Variants in PRKCA observed in about 807,000 individuals in gnomAD.
PRKCA encodes protein kinase C alpha type.
PRKCA carries 27 observed loss-of-function variants against 87.0 expected under a neutral mutation model. The observed-to-expected ratio is 0.31, with a 90% CI of 0.23 to 0.43. The LOEUF is 0.43. Ranked by LOEUF, PRKCA falls within the 20% of genes least tolerant of loss-of-function variation. The pLI is 1.00. For synonymous variants in PRKCA, 329 were observed against 311.1 expected, an observed-to-expected ratio of 1.06 and a Z score of -0.61; for missense variants, 518 against 852.3, an observed-to-expected ratio of 0.61 and a Z score of 4.88.
In PRKCA at chr17:66,379,255, A is replaced by G. The variant is rs190155641; in HGVS notation, c.205+73128A>G. Among the ~76,000 whole-genome samples the G allele has an allele frequency of 3.3e-4, 51 of 152,324 alleles. 1 individual carries two copies. Among genetic ancestry groups the G allele is most frequent in the African/African-American group, 1.1e-3 (46 of 41,572 alleles). ...AGCTGTTTTCCAAAGAAGCGGCCCC[A>G]TTTTACAATCCTACCAGCAGTATGG... On this transcript the variant is annotated intron_variant, in intron 2 of 16. Coordinates refer to ENST00000413366, the MANE Select transcript of PRKCA (RefSeq NM_002737.3).
chr17:66,475,396 C>T (rs1412863387), intron 2 of PRKCA, among the ~76,000 whole-genome samples: 6 of 152,070 alleles, frequency 3.9e-5, no homozygotes, highest in African/African-American at 9.7e-5. Context: ...GTGGTGCTGT[C>T]GATCTGCATT....
intron 2 of PRKCA, among the ~76,000 whole-genome samples, chr17:66,394,005 G>T (rs1910521131): frequency 6.6e-6 from 1 of 151,978 alleles, no homozygotes; most frequent in South Asian, 2.1e-4. Context: ...AACCTGGGAG[G>T]CGGAGGTTGC....
intron 2 of PRKCA, among the ~76,000 whole-genome samples, chr17:66,400,957 A>T (rs893607207): frequency 9.8e-5 from 15 of 152,344 alleles, no homozygotes; most frequent in Admixed American, 2.6e-4. Flanking sequence ...CCTATCTCAG[A>T]ATACTGGTTG....
chr17:66,667,837 G>A (rs747568069), intron 5 of PRKCA, among the ~76,000 whole-genome samples: 9 of 152,198 alleles, frequency 5.9e-5, no homozygotes, highest in South Asian at 2.1e-4. Context: ...TTAAGAAATC[G>A]AGATATCCTT....
chr17:66,358,219 T>C (rs921033568), intron 2 of PRKCA, among the ~76,000 whole-genome samples: 2 of 152,094 alleles, frequency 1.3e-5, no homozygotes, highest in Non-Finnish European at 2.9e-5. Context: ...GCACTGAGGT[T>C]TTCCCTGGAC....
chr17:66,413,552 G>A (rs930603924), intron 2 of PRKCA, among the ~76,000 whole-genome samples: 4 of 152,266 alleles, frequency 2.6e-5, no homozygotes, highest in Admixed American at 6.5e-5. Flanking sequence ...AGCCACCTAC[G>A]CATCAGGAGA....
chr17:66,643,851 G>C (rs1971378199), intron 4 of PRKCA, among the ~76,000 whole-genome samples: 1 of 152,152 alleles, frequency 6.6e-6, no homozygotes, highest in Non-Finnish European at 1.5e-5. Flanking sequence ...ACGTCAGGGG[G>C]CAGTTAGCAA....
chr17:66,761,676 G>A (rs1025988410), intron 13 of PRKCA, among the ~76,000 whole-genome samples: 5 of 151,614 alleles, frequency 3.3e-5, no homozygotes, highest in African/African-American at 7.3e-5. Flanking sequence ...TGCCCACCTC[G>A]GCCTCCCAAA....
At chr17:66,541,430 T>C (rs113239819) in intron 3 of PRKCA, among the ~76,000 whole-genome samples, 19 of 152,354 alleles carry the variant, frequency 1.2e-4, no homozygotes, top group African/African-American at 4.3e-4. Flanking sequence ...CCTCTGTTGC[T>C]TATATTGATT....
At chr17:66,323,900 C>T (rs970969567) in intron 2 of PRKCA, among the ~76,000 whole-genome samples, 1 of 151,962 alleles carries the variant, frequency 6.6e-6, no homozygotes, top group African/African-American at 2.4e-5. Context: ...GAGATCACAC[C>T]ACTGCACTCC....
At chr17:66,471,106 C>A (rs146747954) in intron 2 of PRKCA, among the ~76,000 whole-genome samples, 1,968 of 151,384 alleles carry the variant, frequency 0.013, 24 homozygotes, top group Admixed American at 0.03. Context: ...AGGACATATT[C>A]TCTCATTCCT....
intron 3 of PRKCA, among the ~76,000 whole-genome samples, chr17:66,510,092 G>A (rs563413694): frequency 6.6e-6 from 1 of 152,242 alleles, no homozygotes; most frequent in Non-Finnish European, 1.5e-5. Context: ...GCAGAAAAGA[G>A]GGATGAGGAA....
chr17:66,314,522 A>G (rs1172986764), intron 2 of PRKCA, among the ~76,000 whole-genome samples: 1 of 152,248 alleles, frequency 6.6e-6, no homozygotes, highest in East Asian at 1.9e-4. Flanking sequence ...GAGCAAGTCC[A>G]TCAAGTAAGA....
intron 3 of PRKCA, among the ~76,000 whole-genome samples, chr17:66,606,858 G>T (rs1970225152): frequency 6.6e-6 from 1 of 152,052 alleles, no homozygotes; most frequent in Non-Finnish European, 1.5e-5. Flanking sequence ...ACTCATTTAT[G>T]TGGTCATTTA....
chr17:66,447,690 G>A (rs1326329642), intron 2 of PRKCA, among the ~76,000 whole-genome samples: 1 of 152,180 alleles, frequency 6.6e-6, no homozygotes, highest in African/African-American at 2.4e-5. Context: ...GAGCTTCTAG[G>A]AGTCTGTCAT....
At chr17:66,510,563 G>A (rs372892565) in intron 3 of PRKCA, among the ~76,000 whole-genome samples, 40 of 152,232 alleles carry the variant, frequency 2.6e-4, no homozygotes, top group African/African-American at 9.1e-4. Flanking sequence ...AGAGCTAACA[G>A]CTTAAGGAAT....
At chr17:66,416,779 TC>T (rs1912178489) in intron 2 of PRKCA, 2 of 152,220 alleles carry the variant, frequency 1.3e-5, no homozygotes, top group South Asian at 4.2e-4. Flanking sequence ...AACATCCTGT[TC>T]CTGTGTGTGG....
intron 2 of PRKCA, among the ~76,000 whole-genome samples, chr17:66,449,390 T>A (rs568372815): frequency 1.3e-5 from 2 of 151,652 alleles, no homozygotes; most frequent in South Asian, 4.2e-4. Context: ...CTTAGCTATA[T>A]TGCCTTTAAA....
rs889622732 is a variant in PRKCA, at chr17:66,365,838, C to T, written c.205+59711C>T. ...AAATGATTTATTATGCACCAATTAA[C>T]GTTATCTGAGCCATGGTTTTTCTTT... On this transcript the variant is annotated intron_variant, in intron 2 of 16. Coordinates refer to ENST00000413366, the MANE Select transcript of PRKCA (RefSeq NM_002737.3). 6.6e-5 allele frequency among the ~76,000 whole-genome samples: 10 copies of T among 152,236 alleles called. No individual in the cohort carries two copies. The East Asian group carries it at 7.7e-4, about 12-fold the overall frequency.
Sources: gnomAD v4.1 joint callset for allele counts (sites outside exome capture counted in the v4.1 genomes callset) on GRCh38, gnomAD v4.1.1 for gene constraint, MANE v1.5 for transcripts, NCBI Gene and HGNC (gene_info 2026-07-23, HGNC 2026-07-21) for gene names.